SYNGR1: variants seen among roughly 807,000 people sequenced by gnomAD.
The protein encoded by SYNGR1 is synaptogyrin 1, also known as synaptogyrin-1.
Under a neutral mutation model 26.1 loss-of-function variants are expected in SYNGR1, and 14 were observed. The ratio of observed to expected loss-of-function variants is 0.54; its 90% CI spans 0.35 to 0.84. The LOEUF is 0.84. Among genes scored for constraint, SYNGR1 ranks in the 40% least tolerant of loss-of-function variants. SYNGR1 has a pLI of 0.01. For synonymous variants in SYNGR1, 141 were observed against 150.1 expected (o/e 0.94, Z 0.44); for missense variants, 319 against 332.9 (o/e 0.96, Z 0.33).
At chr22:39,372,938 G>A (rs534145094) in intron 1 of SYNGR1, among the ~76,000 whole-genome samples, 1 of 152,208 alleles carries the variant, frequency 6.6e-6, no homozygotes, top group African/African-American at 2.4e-5. Context: ...TTTCATCAGA[G>A]CAACCAGGGA....
chr22:39,379,568 A>G (rs1925426820), intron 3 of SYNGR1: 1 of 150,336 alleles, frequency 6.7e-6, no homozygotes, highest in African/African-American at 2.5e-5. Flanking sequence ...CAGGAGGCAG[A>G]TGTTGCAGTG....
intron 2 of SYNGR1, 115 bp downstream of exon 2, chr22:39,374,668 C>T (rs774333802): frequency 7.9e-6 from 9 of 1,141,222 alleles, no homozygotes; most frequent in Middle Eastern, 1.9e-4. Context: ...GAGGTGCAGG[C>T]GGGTGAAGGG....
At chr22:39,380,444 C>T (rs769184112) in intron 3 of SYNGR1, among the ~76,000 whole-genome samples, 38 of 152,054 alleles carry the variant, frequency 2.5e-4, no homozygotes, top group Non-Finnish European at 5.0e-4. Flanking sequence ...CACTCTGTTG[C>T]CCAGGCTGGA....
At chr22:39,377,293 C>T (rs1925326671) in intron 3 of SYNGR1, 1 of 985,248 alleles carries the variant, frequency 1.0e-6, no homozygotes, top group African/African-American at 1.7e-5. Context: ...AGGGGGAGAC[C>T]CGTGGTTCAG....
rs1482800718 is a variant in SYNGR1, at chr22:39,383,450, G to A, written c.*1536G>A. The A allele has an allele frequency of 6.6e-6, 1 of 152,526 alleles. No homozygotes were observed. Among genetic ancestry groups the A allele is most frequent in the Non-Finnish European group, 1.5e-5 (1 of 68,178 alleles). The allele number at this position is 152,526 out of a possible 1,614,324, so 9.4% of individuals were successfully genotyped here. A position where few individuals can be genotyped will look rare whatever the true frequency, so the allele number is the denominator to read the frequency against. On this transcript the variant is annotated 3_prime_UTR_variant, in exon 4 of 4. Coordinates refer to ENST00000328933, the MANE Select transcript of SYNGR1 (RefSeq NM_004711.5). The stretch of plus-strand genomic sequence containing the variant: ...CATAATCTCTTCTGAGTGGGGGCAG[G>A]TCGATTCTTGCACAAGGTGGGCTCT...
chr22:39,375,162 C>T (rs1038711467), intron 2 of SYNGR1: 1 of 162,436 alleles, frequency 6.2e-6, no homozygotes, highest in Non-Finnish European at 1.4e-5. Flanking sequence ...TGTTCTGAGG[C>T]TTGGGTCCCC....
At chr22:39,361,824 G>A (rs1924485788) in intron 1 of SYNGR1, among the ~76,000 whole-genome samples, 1 of 152,066 alleles carries the variant, frequency 6.6e-6, no homozygotes, top group South Asian at 2.1e-4. Context: ...CTTTCCAGGT[G>A]GTGATGTTGC....
At position 39,364,207 on chromosome 22, in the gene SYNGR1, G is replaced by C. The variant is rs1924623968; in HGVS notation, c.100-10109G>C. On this transcript the variant is annotated intron_variant, in intron 1 of 3. Transcript: ENST00000328933. ...CCTCCTTGGTCTCATGTTGACCTTA[G>C]AGTTTGGGATTCTGGAATTCGATCC... is the stretch of plus-strand genomic sequence containing the variant. 2.2e-5 allele frequency: 35 copies of C among 1,613,442 alleles called. 1 individual carries two copies. Among genetic ancestry groups the C allele is most frequent in the South Asian group, 4.4e-5 (4 of 91,062 alleles).
intron 1 of SYNGR1, among the ~76,000 whole-genome samples, chr22:39,357,557 C>T (rs1213926772): frequency 6.6e-6 from 1 of 151,984 alleles, no homozygotes; most frequent in Non-Finnish European, 1.5e-5. Flanking sequence ...GAGCGGGAAC[C>T]GGGGCTGCGT....
intron 1 of SYNGR1, among the ~76,000 whole-genome samples, chr22:39,362,944 A>G (rs1453761542): frequency 6.6e-6 from 1 of 152,140 alleles, no homozygotes; most frequent in Admixed American, 6.5e-5. Context: ...ACCAACAAAT[A>G]GGAAAGAAGT....
At position 39,350,040 on chromosome 22, in the gene SYNGR1, A is replaced by T; in HGVS notation, c.30A>T (p.Lys10Asn). 7.1e-7 allele frequency: 1 copy of T among 1,409,574 alleles called. No individual in the cohort carries two copies. Among genetic ancestry groups the T allele is most frequent in the Non-Finnish European group, 9.4e-7 (1 of 1,063,800 alleles). 87.3% of individuals were successfully genotyped at this position (1,409,574 alleles called of 1,614,324 possible). A position where few individuals can be genotyped will look rare whatever the true frequency, so the allele number is the denominator to read the frequency against. The part of the protein sequence containing the change: MEGGAYGAG[K>N]AGGAFDPYTL... ...AAGGGGGTGCGTACGGAGCGGGCAA[A>T]GCCGGGGGCGCCTTCGACCCCTACA... The change falls in exon 1 of 4, where the codon AAA becomes AAT. Residue 10 changes from lysine to asparagine, a missense_variant. Transcript: ENST00000328933. This position sits in a 1 kb window ranked among gnomAD's most constrained non-coding sequence, Gnocchi z 4.3.
chr22:39,368,562 G>A (rs991858055), intron 1 of SYNGR1, among the ~76,000 whole-genome samples: 3 of 152,154 alleles, frequency 2.0e-5, no homozygotes, highest in South Asian at 4.1e-4. Context: ...TTCTTGCTCT[G>A]CACCCTCTTG....
chr22:39,362,421 TG>T, intron 1 of SYNGR1, among the ~76,000 whole-genome samples: 1 of 149,328 alleles, frequency 6.7e-6, no homozygotes, highest in Non-Finnish European at 1.5e-5. Flanking sequence ...TGAGGCGGGG[TG>T]GGGGAGGGGC....
chr22:39,376,875 A>C, intron 3 of SYNGR1: 1 of 1,427,742 alleles, frequency 7.0e-7, no homozygotes, highest in Non-Finnish European at 9.2e-7. Flanking sequence ...AAGTTTATTC[A>C]GGTTTAAACA....
In SYNGR1 at chr22:39,381,687, T is replaced by C. The variant is rs1416700789; in HGVS notation, c.484-9T>C. The C allele has an allele frequency of 1.2e-6, 2 of 1,613,190 alleles. No individual in the cohort carries two copies. Among genetic ancestry groups the C allele is most frequent in the Non-Finnish European group, 1.7e-6 (2 of 1,179,982 alleles). ...GCCTGTCCTTGTCCTCGCCGGCCTT[T>C]GTCCCCAGGCGGGCCAGGCTGTGCT... is the stretch of plus-strand genomic sequence containing the variant. On this transcript the variant is annotated splice_polypyrimidine_tract_variant and intron_variant, in intron 3 of 3. Coordinates refer to ENST00000328933, the MANE Select transcript of SYNGR1 (RefSeq NM_004711.5).
chr22:39,381,630 C>T, intron 3 of SYNGR1, 66 bp from the exon 4 acceptor site: 1 of 1,558,212 alleles, frequency 6.4e-7, no homozygotes, highest in Non-Finnish European at 8.8e-7. Flanking sequence ...ACCCAGTGCT[C>T]TTGTCTGTCT....
chr22:39,351,226 G>A (rs1419737018), intron 1 of SYNGR1, among the ~76,000 whole-genome samples: 1 of 152,204 alleles, frequency 6.6e-6, no homozygotes, highest in Non-Finnish European at 1.5e-5. Context: ...TAGACTGTCA[G>A]GGACCCCAGG....
chr22:39,355,976 G>A (rs1019886638), intron 1 of SYNGR1, among the ~76,000 whole-genome samples: 25 of 152,246 alleles, frequency 1.6e-4, no homozygotes, highest in African/African-American at 4.6e-4. Flanking sequence ...CCGAGATTGC[G>A]CCATCGCACT....
Position 39,382,307 on chromosome 22 carries a change from G to T in SYNGR1, c.*393G>T. 1 of 332,362 alleles carries T rather than the reference G, an allele frequency of 3.0e-6. No individual in the cohort carries two copies. Among genetic ancestry groups the T allele is most frequent in the Non-Finnish European group, 5.8e-6 (1 of 172,460 alleles). 20.6% of individuals were successfully genotyped at this position (332,362 alleles called of 1,614,324 possible). ...CCCTGGTGGTACCAGAGGCCAGAATGGTGGGAAAGACAGATCCAGATAATG... is the reference window on the plus strand; with the variant it reads ...CCCTGGTGGTACCAGAGGCCAGAATTGTGGGAAAGACAGATCCAGATAATG... On this transcript the variant is annotated 3_prime_UTR_variant, in exon 4 of 4. Coordinates refer to ENST00000328933, the MANE Select transcript of SYNGR1 (RefSeq NM_004711.5).
Sources: gnomAD v4.1 joint callset for allele counts (sites outside exome capture counted in the v4.1 genomes callset) on GRCh38, gnomAD v4.1.1 for gene constraint, Gnocchi (gnomAD v3.1) non-coding constraint, MANE v1.5 for transcripts, NCBI Gene and HGNC (gene_info 2026-07-23, HGNC 2026-07-21) for gene names.